MMRN1: variants seen among roughly 807,000 people sequenced by gnomAD.
MMRN1 encodes the protein multimerin-1.
Under a neutral mutation model 100.7 loss-of-function variants are expected in MMRN1, and 94 were observed. That is an observed-to-expected ratio of 0.93 (90% CI 0.79 to 1.11). MMRN1 has a LOEUF of 1.11. Ranked by LOEUF, MMRN1 falls within the 50% of genes least tolerant of loss-of-function variation. The pLI is 0.00. For missense variants in MMRN1, 1,606 were observed against 1,439.1 expected, an observed-to-expected ratio of 1.12 and a Z score of -1.88; for synonymous variants, 575 against 505.0, an observed-to-expected ratio of 1.14 and a Z score of -1.86.
chr4:89,953,225 A>G lies in MMRN1; in HGVS notation c.3494A>G (p.Asp1165Gly), dbSNP rs1268886018. The G allele has an allele frequency of 1.2e-6, 2 of 1,613,888 alleles. No homozygotes were observed. The highest frequency in any genetic ancestry group is 1.7e-6 in the Non-Finnish European group (2 of 1,179,848). Residue 1165 changes from aspartate to glycine, a missense_variant, in exon 8 of 8, where the codon GAT becomes GGT. Coordinates refer to ENST00000264790, the MANE Select transcript of MMRN1 (RefSeq NM_007351.3). ...CATATTTCTGGATTTTTAGTGGTTGATGGAATAGACAAGCTTGCATTTGAG... is the reference window on the plus strand; with the variant it reads ...CATATTTCTGGATTTTTAGTGGTTGGTGGAATAGACAAGCTTGCATTTGAG... The part of the protein sequence containing the change: ...SAHISGFLVV[D>G]GIDKLAFESE...
At position 89,909,144 on chromosome 4, in the gene MMRN1, C is replaced by T. The variant is rs1721659973; in HGVS notation, c.624-132C>T. On this transcript the variant is annotated intron_variant, in intron 1 of 7. Coordinates refer to ENST00000264790, the MANE Select transcript of MMRN1 (RefSeq NM_007351.3). ...TCTCTTATATTTAAATATTTTAAAG[C>T]TAAATAGCAATCTTACAAGGTTTCT... The T allele has an allele frequency of 3.5e-6, 3 of 846,704 alleles. No homozygotes were observed. The African/African-American group carries it at 5.2e-5, about 15-fold the overall frequency. 52.4% of individuals were successfully genotyped at this position (846,704 alleles called of 1,614,324 possible).
chr4:89,881,703 A>G (rs1560574704), intron 1 of MMRN1, among the ~76,000 whole-genome samples: 1 of 151,796 alleles, frequency 6.6e-6, no homozygotes, highest in Admixed American at 6.6e-5. Flanking sequence ...TCTAGTATTG[A>G]TTCATATTTT....
intron 6 of MMRN1, among the ~76,000 whole-genome samples, chr4:89,947,121 A>G (rs1455272098): frequency 1.3e-5 from 2 of 152,134 alleles, no homozygotes; most frequent in Non-Finnish European, 2.9e-5. Flanking sequence ...GTCTCTGCTA[A>G]AAATACAAAA....
chr4:89,923,037 T>C lies in MMRN1; in HGVS notation c.851-131T>C, dbSNP rs550576203. On this transcript the variant is annotated intron_variant, in intron 3 of 7. Coordinates refer to ENST00000264790, the MANE Select transcript of MMRN1 (RefSeq NM_007351.3). ...TGGTTGGGGGCGGAGCAGCTTACTCTGCAATCATCCCCGACCATCATGCTT... is the reference window on the plus strand; with the variant it reads ...TGGTTGGGGGCGGAGCAGCTTACTCCGCAATCATCCCCGACCATCATGCTT... 103 of 722,280 alleles carry C rather than the reference T, an allele frequency of 1.4e-4. No individual in the cohort carries two copies. In the African/African-American group the frequency reaches 1.6e-3, roughly 11 times the overall value. 44.7% of individuals were successfully genotyped at this position (722,280 alleles called of 1,614,324 possible).
At position 89,935,314 on chromosome 4, in the gene MMRN1, A is replaced by T. The variant is rs369046905; in HGVS notation, c.1634A>T (p.Tyr545Phe). The T allele has an allele frequency of 3.7e-5, 60 of 1,613,768 alleles. No individual in the cohort carries two copies. In the East Asian group the frequency reaches 9.8e-4, roughly 26 times the overall value. Reference sequence around the variant, plus strand: ...TCAGTTAGCAATAATGTCACTGAGTACATGTCTACTTTACATGAAAATATA... The same window carrying T: ...TCAGTTAGCAATAATGTCACTGAGTTCATGTCTACTTTACATGAAAATATA... ...AESVSNNVTE[Y>F]MSTLHENIKK... Residue 545 changes from tyrosine (Y) to phenylalanine (F), a missense_variant, in exon 6 of 8, where the codon TAC (tyrosine) becomes TTC (phenylalanine). Tyr to Phe is a conservative substitution (Grantham distance 22, BLOSUM62 3). Coordinates refer to ENST00000264790, the MANE Select transcript of MMRN1 (RefSeq NM_007351.3).
rs79605630 is a variant in MMRN1, at chr4:89,944,847, G to A, written c.3119-6758G>A. On this transcript the variant is annotated intron_variant, in intron 6 of 7. Transcript: ENST00000264790. ...AGGAAATTAAGGGACTTGAAACAAC[G>A]CGAGTTTATTTGTTTGTGGTATAAC... 9.6e-3 allele frequency among the ~76,000 whole-genome samples: 1,467 copies of A among 152,242 alleles called. 13 individuals are homozygous for A. Among genetic ancestry groups the A allele is most frequent in the Middle Eastern group, 0.065 (19 of 294 alleles).
intron 1 of MMRN1, among the ~76,000 whole-genome samples, chr4:89,903,907 A>AG (rs1276707126): frequency 6.6e-6 from 1 of 150,698 alleles, no homozygotes; most frequent in Non-Finnish European, 1.5e-5. Flanking sequence ...GAAAAAAAAA[A>AG]AAAAAACTCT....
chr4:89,903,897 GA>G (rs71596503), intron 1 of MMRN1, among the ~76,000 whole-genome samples: 221 of 127,196 alleles, frequency 1.7e-3, no homozygotes, highest in Middle Eastern at 3.9e-3. Flanking sequence ...TTCAGGATTA[GA>G]AAAAAAAAAA....
intron 6 of MMRN1, among the ~76,000 whole-genome samples, chr4:89,937,320 T>C (rs1560596161): frequency 6.6e-6 from 1 of 151,964 alleles, no homozygotes; most frequent in Non-Finnish European, 1.5e-5. Flanking sequence ...GTCTGAAAAT[T>C]GGTATCAGTG....
At chr4:89,940,956 T>A (rs114174603) in intron 6 of MMRN1, among the ~76,000 whole-genome samples, 1 of 152,132 alleles carries the variant, frequency 6.6e-6, no homozygotes, top group Non-Finnish European at 1.5e-5. Flanking sequence ...ATGGTCATCA[T>A]GCAATGATAA....
At chr4:89,886,916 T>A (rs576994336) in intron 1 of MMRN1, among the ~76,000 whole-genome samples, 6 of 152,106 alleles carry the variant, frequency 3.9e-5, no homozygotes, top group Non-Finnish European at 8.8e-5. Context: ...TTGTGAACTA[T>A]AGTCACCCTA....
At chr4:89,930,330 AG>A (rs1412365498) in intron 5 of MMRN1, among the ~76,000 whole-genome samples, 1 of 152,184 alleles carries the variant, frequency 6.6e-6, no homozygotes, top group African/African-American at 2.4e-5. Context: ...TTTCCATAAA[AG>A]TGTTAAAGTG....
At chr4:89,921,045 T>G (rs1191409948) in intron 3 of MMRN1, among the ~76,000 whole-genome samples, 1 of 152,162 alleles carries the variant, frequency 6.6e-6, no homozygotes, top group Non-Finnish European at 1.5e-5. Context: ...ATAGTAATCT[T>G]GTTTGTATTC....
At chr4:89,931,906 A>G (rs927982872) in intron 5 of MMRN1, among the ~76,000 whole-genome samples, 2 of 152,066 alleles carry the variant, frequency 1.3e-5, no homozygotes, top group African/African-American at 2.4e-5. Flanking sequence ...GCCCCTTCCA[A>G]ATCTCATGTC....
intron 1 of MMRN1, among the ~76,000 whole-genome samples, chr4:89,905,367 A>T (rs997960884): frequency 4.6e-5 from 7 of 151,462 alleles, no homozygotes; most frequent in African/African-American, 1.5e-4. Context: ...TTCTCTTATG[A>T]GGGATCAATA....
Position 89,935,358 on chromosome 4 carries a change from A to C in MMRN1, c.1678A>C (p.Met560Leu), listed in dbSNP as rs765783160. The C allele has an allele frequency of 1.9e-6, 3 of 1,613,330 alleles. No homozygotes were observed. Among genetic ancestry groups the C allele is most frequent in the Non-Finnish European group, 2.5e-6 (3 of 1,179,712 alleles). The change falls in exon 6 of 8, where the codon ATG (methionine) becomes CTG (leucine). Residue 560 changes from methionine (M) to leucine (L), a missense_variant. Coordinates refer to ENST00000264790, the MANE Select transcript of MMRN1 (RefSeq NM_007351.3). The part of the protein sequence containing the change: ...HENIKKQSLM[M>L]LQMFEDLHIQ... Reference sequence around the variant, plus strand: ...AAATATAAAGAAGCAGAGTTTGATGATGCTGCAAATGTTTGAAGATTTGCA... The same window carrying C: ...AAATATAAAGAAGCAGAGTTTGATGCTGCTGCAAATGTTTGAAGATTTGCA...
At chr4:89,897,249 G>T (rs1002705393) in intron 1 of MMRN1, among the ~76,000 whole-genome samples, 2 of 149,224 alleles carry the variant, frequency 1.3e-5, no homozygotes, top group Admixed American at 6.7e-5. Context: ...TCGCTCTCTT[G>T]CCAGGCTGGA....
At chr4:89,926,677 T>C (rs1195394055) in intron 4 of MMRN1, among the ~76,000 whole-genome samples, 1 of 152,150 alleles carries the variant, frequency 6.6e-6, no homozygotes, top group East Asian at 1.9e-4. Context: ...CCTGTGGTTG[T>C]GGGGTATTAC....
intron 3 of MMRN1, among the ~76,000 whole-genome samples, chr4:89,921,966 G>C (rs2110612776): frequency 6.6e-6 from 1 of 152,296 alleles, no homozygotes; most frequent in Admixed American, 6.5e-5. Flanking sequence ...AGCACGGCTA[G>C]ACACAAAACA....
Sources: gnomAD v4.1 joint callset for allele counts (sites outside exome capture counted in the v4.1 genomes callset) on GRCh38, gnomAD v4.1.1 for gene constraint, MANE v1.5 for transcripts, NCBI Gene and HGNC (gene_info 2026-07-23, HGNC 2026-07-21) for gene names.